The following NAALADL2 variants were observed in gnomAD, a reference collection of about 807,000 sequenced individuals.
The protein encoded by NAALADL2 is inactive N-acetylated-alpha-linked acidic dipeptidase-like protein 2.
NAALADL2 carries 76 observed loss-of-function variants against 87.2 expected under a neutral mutation model. That is an observed-to-expected ratio of 0.87 (90% CI 0.72 to 1.05). NAALADL2 has a LOEUF of 1.05. Ranked by LOEUF, NAALADL2 falls within the 50% of genes least tolerant of loss-of-function variation. The pLI is 0.00. For missense variants in NAALADL2, 1,089 were observed against 945.8 expected, an observed-to-expected ratio of 1.15 and a Z score of -1.99; for synonymous variants, 354 against 331.0, an observed-to-expected ratio of 1.07 and a Z score of -0.75.
intron 2 of NAALADL2, among the ~76,000 whole-genome samples, chr3:175,150,268 T>G (rs2108777780): frequency 6.6e-6 from 1 of 152,290 alleles, no homozygotes; most frequent in South Asian, 2.1e-4. Context: ...GGCTAGCCTA[T>G]TACAAATAAA....
chr3:174,560,562 A>G (rs1292201966), intron 2 of NAALADL2, among the ~76,000 whole-genome samples: 1 of 152,220 alleles, frequency 6.6e-6, no homozygotes, highest in African/African-American at 2.4e-5. Flanking sequence ...ATAGTTTTAT[A>G]AACTTGCAAA....
At chr3:175,038,742 C>T (rs1045895711) in intron 1 of NAALADL2, among the ~76,000 whole-genome samples, 4 of 151,812 alleles carry the variant, frequency 2.6e-5, no homozygotes, top group African/African-American at 9.7e-5. Flanking sequence ...GGGTTTAGCA[C>T]GTAATATCTA....
chr3:174,588,061 T>A (rs1020610211), intron 2 of NAALADL2, among the ~76,000 whole-genome samples: 1 of 152,162 alleles, frequency 6.6e-6, no homozygotes, highest in Non-Finnish European at 1.5e-5. Flanking sequence ...TTGGAGGCTT[T>A]GTTTGTTTCT....
At chr3:174,849,224 T>A (rs1287645447) in intron 3 of NAALADL2, among the ~76,000 whole-genome samples, 2 of 152,138 alleles carry the variant, frequency 1.3e-5, no homozygotes, top group Non-Finnish European at 2.9e-5. Flanking sequence ...TAAAACATAT[T>A]TTTCTTTCAT....
intron 3 of NAALADL2, among the ~76,000 whole-genome samples, chr3:174,815,884 G>A (rs1028145859): frequency 7.5e-5 from 10 of 133,256 alleles, no homozygotes; most frequent in African/African-American, 2.7e-4. Flanking sequence ...AAGTGTCAGA[G>A]TGTTTGGAAA....
At chr3:174,524,588 A>G (rs1720557603) in intron 1 of NAALADL2, among the ~76,000 whole-genome samples, 1 of 152,034 alleles carries the variant, frequency 6.6e-6, no homozygotes, top group African/African-American at 2.4e-5. Flanking sequence ...TCTGTTGTTC[A>G]GGCTGGAGTG....
At chr3:175,787,570 T>TCG (rs1752217564) in intron 13 of NAALADL2, among the ~76,000 whole-genome samples, 1 of 152,178 alleles carries the variant, frequency 6.6e-6, no homozygotes, top group African/African-American at 2.4e-5. Context: ...CTGCTTCGGC[T>TCG]CGCGCACGGT....
In NAALADL2 at chr3:174,497,501, T is replaced by G. The variant is rs371710517; in HGVS notation, c.-183-53068T>G. Among the ~76,000 whole-genome samples, 95 of 152,230 alleles carry G rather than the reference T, an allele frequency of 6.2e-4. 1 individual carries two copies. The South Asian group carries it at 0.019, about 31-fold the overall frequency. Reference sequence around the variant, plus strand: ...GAAGCGAAAAGAAACCTTTCATTACTTATCCTTTATTGTATTTCTTGCCCC... The same window carrying G: ...GAAGCGAAAAGAAACCTTTCATTACGTATCCTTTATTGTATTTCTTGCCCC... On this transcript the variant is annotated intron_variant, in intron 1 of 3. Coordinates refer to the NAALADL2 transcript ENST00000434257.
chr3:175,227,555 C>A (rs1239625977), intron 2 of NAALADL2, among the ~76,000 whole-genome samples: 1 of 151,954 alleles, frequency 6.6e-6, no homozygotes, highest in Non-Finnish European at 1.5e-5. Context: ...GATTATATTG[C>A]AGTTAATTCT....
At chr3:175,341,990 G>A (rs1034517951) in intron 5 of NAALADL2, among the ~76,000 whole-genome samples, 2 of 151,974 alleles carry the variant, frequency 1.3e-5, no homozygotes, top group Non-Finnish European at 2.9e-5. Context: ...ATAGATGTAT[G>A]GGTTAATTTA....
chr3:174,818,117 T>C (rs187461229), intron 3 of NAALADL2, among the ~76,000 whole-genome samples: 2 of 152,296 alleles, frequency 1.3e-5, no homozygotes, highest in Admixed American at 1.3e-4. Context: ...GGCTGTGCAC[T>C]CTGTTATGCA....
At chr3:175,391,581 T>C (rs1769079865) in intron 5 of NAALADL2, among the ~76,000 whole-genome samples, 2 of 152,108 alleles carry the variant, frequency 1.3e-5, no homozygotes, top group African/African-American at 2.4e-5. Context: ...AAACCATGAG[T>C]GAGCTTGGAA....
At chr3:175,007,451 T>A (rs1749187346) in intron 1 of NAALADL2, among the ~76,000 whole-genome samples, 1 of 152,142 alleles carries the variant, frequency 6.6e-6, no homozygotes, top group African/African-American at 2.4e-5. Flanking sequence ...GATAAAGAGA[T>A]CTCTGGTGAA....
At chr3:175,527,778 T>C (rs991794508) in intron 9 of NAALADL2, among the ~76,000 whole-genome samples, 1 of 152,242 alleles carries the variant, frequency 6.6e-6, no homozygotes, top group African/African-American at 2.4e-5. Flanking sequence ...ATTAAGATTT[T>C]ATAAGTCATT....
intron 4 of NAALADL2, among the ~76,000 whole-genome samples, chr3:175,275,470 T>C (rs190082894): frequency 6.6e-6 from 1 of 151,932 alleles, no homozygotes; most frequent in East Asian, 1.9e-4. Flanking sequence ...TTTATGTAGT[T>C]GGGCGGGCCA....
intron 11 of NAALADL2, among the ~76,000 whole-genome samples, chr3:175,728,991 G>A (rs992993512): frequency 1.3e-5 from 2 of 152,070 alleles, no homozygotes; most frequent in African/African-American, 4.8e-5. Context: ...CCTTGGTCTA[G>A]AATACCTTTC....
Position 175,233,998 on chromosome 3 carries a change from A to G in NAALADL2, c.613A>G (p.Thr205Ala), listed in dbSNP as rs949410130. The G allele has an allele frequency of 7.4e-6, 12 of 1,611,284 alleles. No homozygotes were observed. In the East Asian group the frequency reaches 2.2e-4, roughly 30 times the overall value. ...EISKKIKTQW[T>A]SLGLEDVQFV... Reference sequence around the variant, plus strand: ...TTCAAAGAAGATTAAGACTCAGTGGACCTCTTTGGGCCTAGAAGATGTACA... The same window carrying G: ...TTCAAAGAAGATTAAGACTCAGTGGGCCTCTTTGGGCCTAGAAGATGTACA... The change falls in exon 3 of 14, where the codon ACC (threonine) becomes GCC (alanine). Residue 205 changes from threonine (T) to alanine (A), a missense_variant. Transcript: ENST00000454872.
intron 2 of NAALADL2, among the ~76,000 whole-genome samples, chr3:174,639,351 CAAACTAA>C (rs1722949492): frequency 6.6e-6 from 1 of 152,144 alleles, no homozygotes; most frequent in Non-Finnish European, 1.5e-5. Flanking sequence ...AAAGAAAAAT[CAAACTAA>C]GACCCAGGGG....
intron 9 of NAALADL2, among the ~76,000 whole-genome samples, chr3:175,481,724 C>T (rs147373478): frequency 1.7e-4 from 26 of 151,784 alleles, no homozygotes; most frequent in African/African-American, 5.8e-4. Context: ...TAAATTGTCC[C>T]GTGGTTTACT....
Sources: allele counts gnomAD v4.1 joint callset (sites outside exome capture counted in the v4.1 genomes callset), GRCh38; gene constraint gnomAD v4.1.1; transcripts MANE v1.5; gene names NCBI Gene and HGNC (gene_info 2026-07-23, HGNC 2026-07-21).